The following RAB14 variants were observed in gnomAD, a reference collection of about 807,000 sequenced individuals.
RAB14 encodes RAB14, member RAS oncogene family.
A neutral mutation model predicts 31.1 loss-of-function variants in RAB14; 3 were observed. That is an observed-to-expected ratio of 0.10 (90% CI 0.04 to 0.25). The LOEUF (loss-of-function observed/expected upper bound fraction) is 0.25, where lower values mean the gene tolerates loss of function less well. Among genes scored for constraint, RAB14 ranks in the 10% least tolerant of loss-of-function variants. RAB14 has a pLI of 1.00. For missense variants in RAB14, 111 were observed against 260.1 expected, an observed-to-expected ratio of 0.43 and a Z score of 3.94; for synonymous variants, 85 against 84.9, an observed-to-expected ratio of 1.00 and a Z score of 0.00.
intron 4 of RAB14, among the ~76,000 whole-genome samples, chr9:121,190,181 T>C (rs1168636655): frequency 6.6e-6 from 1 of 152,114 alleles, no homozygotes; most frequent in Non-Finnish European, 1.5e-5. Context: ...TTGAGAGGTG[T>C]AAACTTTAAC....
At chr9:121,196,757 C>A (rs1377083700) in intron 1 of RAB14, among the ~76,000 whole-genome samples, 1 of 152,122 alleles carries the variant, frequency 6.6e-6, no homozygotes, top group Non-Finnish European at 1.5e-5. Flanking sequence ...AGAGGATGCA[C>A]TGCAGTCAGA....
Position 121,190,538 on chromosome 9 carries a change from A to T in RAB14, c.284+16T>A. 6.4e-7 allele frequency: 1 copy of T among 1,550,554 alleles called. No homozygotes were observed. The highest frequency in any genetic ancestry group is 8.7e-7 in the Non-Finnish European group (1 of 1,147,734). On this transcript the variant is annotated intron_variant, in intron 4 of 7. Coordinates refer to ENST00000373840, the MANE Select transcript of RAB14 (RefSeq NM_016322.4). ...ATTTATTTTCCCCATATGAAGGTTG[A>T]AAAATTATCTCTTACCTAGTGATAT...
chr9:121,191,284 G>C (rs2053684696), intron 3 of RAB14, among the ~76,000 whole-genome samples: 1 of 152,084 alleles, frequency 6.6e-6, no homozygotes, highest in Admixed American at 6.6e-5. Context: ...TAGTCAAACA[G>C]ATTCTTATCC....
chr9:121,197,764 T>C (rs2053726274), intron 1 of RAB14, among the ~76,000 whole-genome samples: 1 of 152,152 alleles, frequency 6.6e-6, no homozygotes, highest in African/African-American at 2.4e-5. Context: ...GCCCAGAAAG[T>C]ATCCTACATA....
chr9:121,188,739 T>C (rs1278504565), intron 4 of RAB14, among the ~76,000 whole-genome samples: 1 of 152,036 alleles, frequency 6.6e-6, no homozygotes, highest in Admixed American at 6.6e-5. Flanking sequence ...CCAAAGTCAC[T>C]ATAAAGTATC....
rs2053617287 is a variant in RAB14, at chr9:121,179,034, G to A, written c.*2362C>T. On this transcript the variant is annotated 3_prime_UTR_variant, in exon 8 of 8. Transcript: ENST00000373840. The stretch of plus-strand genomic sequence containing the variant: ...ATGATAGAATCTGGCTCCCGGTACA[G>A]TCAAAGGAGAACAGCATCAGCCACC... 6.6e-6 allele frequency: 1 copy of A among 152,194 alleles called. No individual in the cohort carries two copies. Among genetic ancestry groups the A allele is most frequent in the Non-Finnish European group, 1.5e-5 (1 of 68,040 alleles). The allele number at this position is 152,194 out of a possible 1,614,324, so 9.4% of individuals were successfully genotyped here.
intron 1 of RAB14, among the ~76,000 whole-genome samples, chr9:121,196,653 C>A (rs1233571847): frequency 1.3e-5 from 2 of 152,146 alleles, no homozygotes; most frequent in Non-Finnish European, 2.9e-5. Context: ...GTCGTGCCTC[C>A]TCCACATGGT....
intron 5 of RAB14, among the ~76,000 whole-genome samples, chr9:121,184,961 T>G (rs1225253879): frequency 6.6e-6 from 1 of 152,120 alleles, no homozygotes; most frequent in African/African-American, 2.4e-5. Flanking sequence ...GCTTCTTATC[T>G]CCCTGAAAGG....
chr9:121,190,755 T>C (rs2053682001), intron 3 of RAB14, 24 bp from the exon 4 acceptor site: 17 of 1,606,460 alleles, frequency 1.1e-5, no homozygotes, highest in East Asian at 2.2e-5. Context: ...AAAAAAGTAA[T>C]AGCCCAATTT....
chr9:121,190,971 G>A (rs1588369948), intron 3 of RAB14, among the ~76,000 whole-genome samples: 2 of 152,188 alleles, frequency 1.3e-5, no homozygotes, highest in East Asian at 3.9e-4. Context: ...AATATTTTAA[G>A]TTTTGCAGGT....
At chr9:121,199,018 T>G (rs1386706222) in intron 1 of RAB14, among the ~76,000 whole-genome samples, 1 of 152,226 alleles carries the variant, frequency 6.6e-6, no homozygotes, top group Admixed American at 6.5e-5. Context: ...AAAGCTGGAT[T>G]GCTTAATGTG....
chr9:121,185,137 G>C (rs536740822), intron 5 of RAB14, among the ~76,000 whole-genome samples: 1 of 152,042 alleles, frequency 6.6e-6, no homozygotes, highest in Admixed American at 6.6e-5. Context: ...CTATTTCAAA[G>C]CACATAAATG....
In RAB14 at chr9:121,179,980, ATGT is replaced by A. The variant is rs1452416347; in HGVS notation, c.*1413_*1415del. On this transcript the variant is annotated 3_prime_UTR_variant, in exon 8 of 8. Coordinates refer to ENST00000373840, the MANE Select transcript of RAB14 (RefSeq NM_016322.4). ...ACAGAAATGAAGAACTTAATAAAAC[ATGT>A]TGTCCAAAAAAATAAGATTGTTTCT... The A allele has an allele frequency of 6.6e-6, 1 of 152,622 alleles. No individual in the cohort carries two copies. Among genetic ancestry groups the A allele is most frequent in the African/African-American group, 2.4e-5 (1 of 41,454 alleles). The allele number at this position is 152,622 out of a possible 1,614,324, so 9.5% of individuals were successfully genotyped here.
At chr9:121,182,594 T>C (rs1472299832) in intron 7 of RAB14, among the ~76,000 whole-genome samples, 1 of 152,238 alleles carries the variant, frequency 6.6e-6, no homozygotes, top group African/African-American at 2.4e-5. Context: ...TGACCAAGCT[T>C]GTCTGAGATG....
At chr9:121,199,571 T>C (rs978732170) in intron 1 of RAB14, among the ~76,000 whole-genome samples, 7 of 152,304 alleles carry the variant, frequency 4.6e-5, no homozygotes, top group African/African-American at 1.7e-4. Context: ...TTGATATTGA[T>C]AAAAATGAAC....
chr9:121,190,606 G>A lies in RAB14; in HGVS notation c.232C>T (p.Arg78Trp). The change falls in exon 4 of 8, where the codon CGG (arginine) becomes TGG (tryptophan). Residue 78 changes from arginine to tryptophan, a missense_variant. Arg to Trp is a moderately radical substitution (Grantham distance 101). Coordinates refer to ENST00000373840, the MANE Select transcript of RAB14 (RefSeq NM_016322.4). ...AGQERFRAVT[R>W]SYYRGAAGAL... ...CCCGCAGCTCCTCTGTAGTAGCTCC[G>A]TGTAACAGCCCTAAATCGCTCCTGT... The A allele has an allele frequency of 6.2e-7, 1 of 1,613,120 alleles. No individual in the cohort carries two copies. Among genetic ancestry groups the A allele is most frequent in the Non-Finnish European group, 8.5e-7 (1 of 1,179,510 alleles).
chr9:121,195,140 A>T (rs2132028509), intron 1 of RAB14, among the ~76,000 whole-genome samples: 1 of 152,244 alleles, frequency 6.6e-6, no homozygotes, highest in Non-Finnish European at 1.5e-5. Context: ...ACTGGTCTGG[A>T]TTATTTACCT....
rs1441754963 is a variant in RAB14 at position 121,178,270 on chromosome 9, T to C, written c.*3126A>G. ...TACACAGTAAGTTCTAGAAGGCATC[T>C]TTCAAAACAAAACTTGATTTCTTTT... is the stretch of plus-strand genomic sequence containing the variant. On this transcript the variant is annotated 3_prime_UTR_variant, in exon 8 of 8. Transcript: ENST00000373840. 6.6e-6 allele frequency: 1 copy of C among 152,236 alleles called. No homozygotes were observed. Among genetic ancestry groups the C allele is most frequent in the African/African-American group, 2.4e-5 (1 of 41,462 alleles). 9.4% of individuals were successfully genotyped at this position (152,236 alleles called of 1,614,324 possible).
intron 1 of RAB14, among the ~76,000 whole-genome samples, chr9:121,194,100 A>ACACACACACC (rs1323819893): frequency 2.1e-5 from 3 of 145,624 alleles, no homozygotes. Context: ...TCACTCACAC[A>ACACACACACC]CACACACACA....
Sources: allele counts gnomAD v4.1 joint callset (sites outside exome capture counted in the v4.1 genomes callset), GRCh38; gene constraint gnomAD v4.1.1; transcripts MANE v1.5; gene names NCBI Gene and HGNC (gene_info 2026-07-23, HGNC 2026-07-21).